Variants in ZC3H12B observed in about 807,000 individuals in gnomAD.
ZC3H12B encodes zinc finger CCCH-type containing 12B, also known as probable ribonuclease ZC3H12B.
Under a neutral mutation model 43.9 loss-of-function variants are expected in ZC3H12B, and 7 were observed. That is an observed-to-expected ratio of 0.16 (90% confidence interval 0.09 to 0.30). ZC3H12B has a LOEUF of 0.30. Ranked by LOEUF, ZC3H12B falls within the 10% of genes least tolerant of loss-of-function variation. ZC3H12B has a pLI of 1.00. For synonymous variants in ZC3H12B, 222 were observed against 241.7 expected (o/e 0.92, Z 0.76); for missense variants, 475 against 670.2 (o/e 0.71, Z 3.22).
the ZC3H12B span, among the ~76,000 whole-genome samples, chrX:65,352,909 A>G: frequency 9.0e-6 from 1 of 111,612 alleles, no homozygotes; most frequent in African/African-American, 3.3e-5. Context: ...ATGCAGCGGC[A>G]TGATCATGGC....
intron 3 of ZC3H12B, among the ~76,000 whole-genome samples, chrX:65,409,556 CCACACACACA>C (rs149933064): frequency 2.9e-4 from 25 of 87,656 alleles, no homozygotes; most frequent in African/African-American, 6.1e-4. Flanking sequence ...CCTAAAGACT[CCACACACACA>C]CACACACACA....
chrX:65,123,661 G>T, the ZC3H12B span, among the ~76,000 whole-genome samples: 1 of 108,157 alleles, frequency 9.2e-6, no homozygotes, highest in Non-Finnish European at 1.9e-5. Flanking sequence ...TTTCAGCAGT[G>T]TAATATAGTT....
At chrX:65,459,357 T>G (rs925969435) in intron 3 of ZC3H12B, among the ~76,000 whole-genome samples, 3 of 112,124 alleles carry the variant, frequency 2.7e-5, no homozygotes, top group Non-Finnish European at 5.6e-5. Context: ...ACTCATTTTA[T>G]GAGGCCAGCA....
At chrX:65,136,111 C>A in the ZC3H12B span, among the ~76,000 whole-genome samples, 1 of 111,592 alleles carries the variant, frequency 9.0e-6, no homozygotes, top group Non-Finnish European at 1.9e-5. Flanking sequence ...TCAATTGAAA[C>A]CTCAGAATTT....
the ZC3H12B span, among the ~76,000 whole-genome samples, chrX:65,312,881 T>G: frequency 9.0e-6 from 1 of 110,927 alleles, no homozygotes; most frequent in African/African-American, 3.3e-5. Context: ...TTGTTTTTTG[T>G]TTTTTTTGTT....
the ZC3H12B span, among the ~76,000 whole-genome samples, chrX:65,194,257 G>T: frequency 1.3e-5 from 1 of 76,998 alleles, no homozygotes; most frequent in African/African-American, 4.8e-5. Flanking sequence ...GGTGGGGGGA[G>T]GGGGGAGGGA....
Sources: allele counts gnomAD v4.1 joint callset (sites outside exome capture counted in the v4.1 genomes callset), GRCh38; gene constraint gnomAD v4.1.1; transcripts MANE v1.5; gene names NCBI Gene and HGNC (gene_info 2026-07-23, HGNC 2026-07-21).